CD1E: variants seen among roughly 807,000 people sequenced by gnomAD.
CD1E encodes the protein CD1e molecule.
CD1E carries 49 observed loss-of-function variants against 40.1 expected under a neutral mutation model. That is an observed-to-expected ratio of 1.22 (90% confidence interval 0.97 to 1.55). The LOEUF is 1.55. Among genes scored for constraint, CD1E ranks in the 40% most tolerant of loss-of-function variants. The pLI is 0.00. For synonymous variants in CD1E, 189 were observed against 178.3 expected, an observed-to-expected ratio of 1.06 and a Z score of -0.48; for missense variants, 492 against 471.3, an observed-to-expected ratio of 1.04 and a Z score of -0.41.
At chr1:158,354,094 G>GTGC in intron 1 of CD1E, 48 bp downstream of exon 1, 1 of 1,515,818 alleles carries the variant, frequency 6.6e-7, no homozygotes, top group African/African-American at 1.4e-5. Flanking sequence ...GCACCAGAGG[G>GTGC]CTGAGAGGAA....
Position 158,356,714 on chromosome 1 carries a change from CT to C in CD1E, c.999-13del, listed in dbSNP as rs761250373. ...TCCTTTCTTTGAGATTAATATCCTC[CT>C]CTTTTCCCACAGTTCAAATAAGAAC... On this transcript the variant is annotated splice_polypyrimidine_tract_variant and intron_variant, in intron 5 of 5. Transcript: ENST00000368167. 7 of 1,610,746 alleles carry C rather than the reference CT, an allele frequency of 4.3e-6. No homozygotes were observed. The South Asian group carries it at 6.6e-5, about 15-fold the overall frequency.
chr1:158,356,554 A>T lies in CD1E; in HGVS notation c.961A>T (p.Ile321Leu). 6.2e-7 allele frequency: 1 copy of T among 1,613,806 alleles called. No homozygotes were observed. Reference sequence around the variant, plus strand: ...TTTGACTGTGATAGTTACCCTGGTCATATTGGTTGTAGTTGACTCACGGTT... The same window carrying T: ...TTTGACTGTGATAGTTACCCTGGTCTTATTGGTTGTAGTTGACTCACGGTT... ...ICLTVIVTLV[I>L]LVVVDSRLKK... is the part of the protein sequence containing the mutation. Residue 321 changes from isoleucine to leucine, a missense_variant, in exon 5 of 6, where the codon ATA (isoleucine) becomes TTA (leucine). Coordinates refer to ENST00000368167, the MANE Select transcript of CD1E (RefSeq NM_030893.4).
At chr1:158,356,159 T>C (rs767431998) in intron 4 of CD1E, 54 bp downstream of exon 4, 2 of 1,597,228 alleles carry the variant, frequency 1.3e-6, no homozygotes, top group African/African-American at 2.7e-5. Context: ...CCTGGGGCTT[T>C]TGAGTGTGGG....
At chr1:158,356,437 A>T (rs2101614163) in intron 4 of CD1E, 61 bp from the exon 5 acceptor site, 1 of 1,331,930 alleles carries the variant, frequency 7.5e-7, no homozygotes, top group East Asian at 2.4e-5. Flanking sequence ...TGAAATGGGA[A>T]ATCTCAGCTT....
intron 4 of CD1E, 32 bp downstream of exon 4, chr1:158,356,137 A>C: frequency 6.2e-7 from 1 of 1,611,198 alleles, no homozygotes; most frequent in East Asian, 2.2e-5. Flanking sequence ...GCTGGGAAAT[A>C]ATGAAAATAG....
chr1:158,355,293 C>A lies in CD1E; in HGVS notation c.356-7C>A. 6.2e-7 allele frequency: 1 copy of A among 1,613,062 alleles called. No homozygotes were observed. Among genetic ancestry groups the A allele is most frequent in the East Asian group, 2.2e-5 (1 of 44,876 alleles). Reference sequence around the variant, plus strand: ...CATAATGATCTCTCTTCCCTGTCCACTCTCAGACCCCTTCGAGATCCAGAT... The same window carrying A: ...CATAATGATCTCTCTTCCCTGTCCAATCTCAGACCCCTTCGAGATCCAGAT... On this transcript the variant is annotated splice_polypyrimidine_tract_variant and splice_region_variant and intron_variant, in intron 2 of 5. Transcript: ENST00000368167.
Position 158,355,918 on chromosome 1 carries a change from C to T in CD1E, c.717C>T (p.Pro239=), listed in dbSNP as rs201360111. The T allele has an allele frequency of 3.5e-5, 56 of 1,614,092 alleles. No homozygotes were observed. The highest frequency in any genetic ancestry group is 1.7e-4 in the African/African-American group (13 of 75,028). ...ATGTCTCAGGATTCTACCCAAAGCCCGTGTGGGTGATGTGGATGCGGGGTG... is the reference window on the plus strand; with the variant it reads ...ATGTCTCAGGATTCTACCCAAAGCCTGTGTGGGTGATGTGGATGCGGGGTG... ...VCHVSGFYPK[P]VWVMWMRGEQ... is the part of the protein sequence containing the mutation. Residue 239 remains proline, a synonymous_variant, in exon 4 of 6, where the codon CCC becomes CCT. Coordinates refer to ENST00000368167, the MANE Select transcript of CD1E (RefSeq NM_030893.4).
At position 158,357,112 on chromosome 1, in the gene CD1E, T is replaced by A. The variant is rs571401953; in HGVS notation, c.*216T>A. The A allele has an allele frequency of 6.2e-6, 3 of 485,478 alleles. No individual in the cohort carries two copies. Among genetic ancestry groups the A allele is most frequent in the Non-Finnish European group, 1.1e-5 (3 of 272,626 alleles). 30.1% of individuals were successfully genotyped at this position (485,478 alleles called of 1,614,324 possible). A position where few individuals can be genotyped will look rare whatever the true frequency, so the allele number is the denominator to read the frequency against. On this transcript the variant is annotated 3_prime_UTR_variant, in exon 6 of 6. Coordinates refer to ENST00000368167, the MANE Select transcript of CD1E (RefSeq NM_030893.4). Reference sequence around the variant, plus strand: ...TTTTTGAAACTATAATCCAGATACTTCTTTTTCATGGATTCCCGAGATCAC... The same window carrying A: ...TTTTTGAAACTATAATCCAGATACTACTTTTTCATGGATTCCCGAGATCAC...
intron 1 of CD1E, 150 bp downstream of exon 1, chr1:158,354,196 G>A (rs1653319035): frequency 2.2e-6 from 2 of 906,028 alleles, no homozygotes; most frequent in South Asian, 3.2e-5. Flanking sequence ...GAGAATTCTT[G>A]CTCTCAGTCT....
chr1:158,356,448 G>A (rs1410925978), intron 4 of CD1E, 50 bp from the exon 5 acceptor site: 4 of 1,392,796 alleles, frequency 2.9e-6, no homozygotes, highest in Non-Finnish European at 3.0e-6. Context: ...ATCTCAGCTT[G>A]GTGGAATAGA....
At position 158,355,817 on chromosome 1, in the gene CD1E, T is replaced by G; in HGVS notation, c.626-10T>G. 6.2e-7 allele frequency: 1 copy of G among 1,602,584 alleles called. No homozygotes were observed. Among genetic ancestry groups the G allele is most frequent in the Non-Finnish European group, 8.5e-7 (1 of 1,174,436 alleles). Reference sequence around the variant, plus strand: ...AAAATTCCATTTTTTTTCTATCTTCTTCTTCCTAGTGAAGCCAGAGGCCTG... The same window carrying G: ...AAAATTCCATTTTTTTTCTATCTTCGTCTTCCTAGTGAAGCCAGAGGCCTG... On this transcript the variant is annotated splice_polypyrimidine_tract_variant and intron_variant, in intron 3 of 5. Coordinates refer to ENST00000368167, the MANE Select transcript of CD1E (RefSeq NM_030893.4).
Position 158,356,017 on chromosome 1 carries a change from C to A in CD1E, c.816C>A (p.Thr272=). 1 of 1,614,112 alleles carries A rather than the reference C, an allele frequency of 6.2e-7. No homozygotes were observed. The highest frequency in any genetic ancestry group is 8.5e-7 in the Non-Finnish European group (1 of 1,180,022). ...ACGAGACATGGTATCTCCGAGCAAC[C>A]CTGGATGTGGCGGCTGGGGAGGCAG... ...NADETWYLRA[T]LDVAAGEAAG... Residue 272 remains threonine, a synonymous_variant, in exon 4 of 6, where the codon ACC becomes ACA. Transcript: ENST00000368167.
chr1:158,355,874 C>G lies in CD1E; in HGVS notation c.673C>G (p.Arg225Gly). 6.2e-7 allele frequency: 1 copy of G among 1,614,088 alleles called. No homozygotes were observed. The highest frequency in any genetic ancestry group is 8.5e-7 in the Non-Finnish European group (1 of 1,180,012). ...LSCGPSPGPG[R>G]LQLVCHVSGF... ...CTGTGGCCCCAGTCCTGGCCCTGGC[C>G]GTCTGCAGCTTGTGTGCCATGTCTC... The change falls in exon 4 of 6, where the codon CGT becomes GGT. Residue 225 changes from arginine (R) to glycine (G), a missense_variant. Arg to Gly is a moderately radical substitution (Grantham distance 125). Transcript: ENST00000368167.
chr1:158,356,947 C>T lies in CD1E; in HGVS notation c.*51C>T, dbSNP rs370135694. The T allele has an allele frequency of 7.6e-6, 11 of 1,441,544 alleles. No individual in the cohort carries two copies. Among genetic ancestry groups the T allele is most frequent in the African/African-American group, 4.2e-5 (3 of 70,930 alleles). 89.3% of individuals were successfully genotyped at this position (1,441,544 alleles called of 1,614,324 possible). On this transcript the variant is annotated 3_prime_UTR_variant, in exon 6 of 6. Transcript: ENST00000368167. ...TCCTTGTCTGCATCTTCTTAAACACCGTCCATGTCCCATAAGGGAAGCATG... is the reference window on the plus strand; with the variant it reads ...TCCTTGTCTGCATCTTCTTAAACACTGTCCATGTCCCATAAGGGAAGCATG...
rs376524838 is a variant in CD1E, at chr1:158,355,276, T to G, written c.356-24T>G. On this transcript the variant is annotated intron_variant, in intron 2 of 5. Coordinates refer to ENST00000368167, the MANE Select transcript of CD1E (RefSeq NM_030893.4). ...TTCCTTGTCATTCTTTCCATAATGA[T>G]CTCTCTTCCCTGTCCACTCTCAGAC... The G allele has an allele frequency of 6.9e-6, 11 of 1,603,304 alleles. No individual in the cohort carries two copies. The African/African-American group carries it at 1.5e-4, about 22-fold the overall frequency.
intron 4 of CD1E, 40 bp downstream of exon 4, chr1:158,356,145 T>C: frequency 3.1e-6 from 5 of 1,607,948 alleles, no homozygotes; most frequent in Non-Finnish European, 4.2e-6. Context: ...ATAATGAAAA[T>C]AGCCCTGGGG....
intron 1 of CD1E, 134 bp downstream of exon 1, chr1:158,354,180 C>A: frequency 1.1e-6 from 1 of 930,588 alleles, no homozygotes; most frequent in Non-Finnish European, 1.7e-6. Flanking sequence ...AGGCTAGTTC[C>A]AGGCAGAGAA....
At chr1:158,354,827 A>T (rs79989424) in intron 2 of CD1E, among the ~76,000 whole-genome samples, 154 bp downstream of exon 2, 1,621 of 151,842 alleles carry the variant, frequency 0.011, 27 homozygotes, top group African/African-American at 0.037. Flanking sequence ...ACCCTTCACC[A>T]CCACCCACAC....
intron 5 of CD1E, 31 bp from the exon 6 acceptor site, chr1:158,356,697 T>C (rs771588452): frequency 1.2e-6 from 2 of 1,605,692 alleles, no homozygotes; most frequent in South Asian, 2.2e-5. Flanking sequence ...TTTCCTTTCT[T>C]TGAGATTAAT....
Sources: allele counts gnomAD v4.1 joint callset (sites outside exome capture counted in the v4.1 genomes callset), GRCh38; gene constraint gnomAD v4.1.1; transcripts MANE v1.5; gene names NCBI Gene and HGNC (gene_info 2026-07-23, HGNC 2026-07-21).